Variants in STX1A observed in about 807,000 individuals in gnomAD.
STX1A encodes syntaxin 1A, also known as syntaxin-1A.
Under a neutral mutation model 37.8 loss-of-function variants are expected in STX1A, and 4 were observed. The ratio of observed to expected loss-of-function variants is 0.11; its 90% CI spans 0.05 to 0.24. The LOEUF (loss-of-function observed/expected upper bound fraction) is 0.24, where lower values mean the gene tolerates loss of function less well. STX1A is among the 10% of genes least tolerant of loss of function. The probability of loss-of-function intolerance (pLI) is 1.00; values close to 1 mark genes in which losing one functional copy is unlikely to be tolerated. For synonymous variants in STX1A, 135 were observed against 147.4 expected (o/e 0.92, Z 0.61); for missense variants, 251 against 399.9 (o/e 0.63, Z 3.18).
rs932429977 is a variant in STX1A, at chr7:73,706,611, G to A, written c.209-1387C>T. The stretch of plus-strand genomic sequence containing the variant: ...TGTGCATGACACCGCAGCAGGAGAC[G>A]GTGCAGGAGGTGGCCTGCAGGAGCC... On this transcript the variant is annotated intron_variant, in intron 3 of 9. Transcript: ENST00000222812. The surrounding 1 kb of genome is among the most constrained non-coding windows in gnomAD (Gnocchi z 4.6). 5.3e-5 allele frequency among the ~76,000 whole-genome samples: 8 copies of A among 152,092 alleles called. No homozygotes were observed. Among genetic ancestry groups the A allele is most frequent in the East Asian group, 1.9e-4 (1 of 5,190 alleles).
At position 73,704,742 on chromosome 7, in the gene STX1A, C is replaced by T. The variant is rs529949835; in HGVS notation, c.284-319G>A. ...AAAGGCTGTGTACGAGGGACCATGCCCACAGCGGGGAGAGCCAGGTGGCCC... is the reference window on the plus strand; with the variant it reads ...AAAGGCTGTGTACGAGGGACCATGCTCACAGCGGGGAGAGCCAGGTGGCCC... On this transcript the variant is annotated intron_variant, in intron 4 of 9. Coordinates refer to ENST00000222812, the MANE Select transcript of STX1A (RefSeq NM_004603.4). 9.6e-5 allele frequency: 50 copies of T among 518,462 alleles called. No homozygotes were observed. In the East Asian group the frequency reaches 1.5e-3, roughly 16 times the overall value. 32.1% of individuals were successfully genotyped at this position (518,462 alleles called of 1,614,324 possible). A position where few individuals can be genotyped will look rare whatever the true frequency, so the allele number is the denominator to read the frequency against.
chr7:73,707,524 T>C lies in STX1A; in HGVS notation c.208+1065A>G, dbSNP rs1450982736. On this transcript the variant is annotated intron_variant, in intron 3 of 9. Transcript: ENST00000222812. ...AGGGGCGGGGCTGGACCGAGAGGCC[T>C]TCCTATTGATCACAGACAGCTTCCT... Among the ~76,000 whole-genome samples, 10 of 152,224 alleles carry C rather than the reference T, an allele frequency of 6.6e-5. No individual in the cohort carries two copies. In the East Asian group the frequency reaches 1.2e-3, roughly 18 times the overall value.
chr7:73,703,351 C>A, intron 7 of STX1A: 1 of 565,272 alleles, frequency 1.8e-6, no homozygotes, highest in South Asian at 1.5e-5. Flanking sequence ...AATGTGACTG[C>A]TCCTCCCCTC....
intron 3 of STX1A, among the ~76,000 whole-genome samples, chr7:73,707,587 G>T (rs1798921268): frequency 6.6e-6 from 1 of 152,196 alleles, no homozygotes; most frequent in Non-Finnish European, 1.5e-5. Flanking sequence ...AGAAGCCCAG[G>T]GCTGCAGCCA....
chr7:73,708,796 G>C (rs1170474406), intron 2 of STX1A, 108 bp from the exon 3 acceptor site: 5 of 1,246,044 alleles, frequency 4.0e-6, no homozygotes, highest in Admixed American at 4.0e-5. Context: ...GGGGAGGACG[G>C]GCCAGGCTCC....
chr7:73,719,587 T>TG lies in STX1A; in HGVS notation c.30+14dup, dbSNP rs1258698033. 1.7e-6 allele frequency: 2 copies of TG among 1,206,878 alleles called. No individual in the cohort carries two copies. Among genetic ancestry groups the TG allele is most frequent in the African/African-American group, 1.6e-5 (1 of 62,968 alleles). The allele number at this position is 1,206,878 out of a possible 1,614,324, so 74.8% of individuals were successfully genotyped here. ...CGGCGGGCGGCGGGCGGCCGCGCGCTGGGGCCGGACTCACCGTGCGGAGCT... is the reference window on the plus strand; with the variant it reads ...CGGCGGGCGGCGGGCGGCCGCGCGCTGGGGGCCGGACTCACCGTGCGGAGCT... On this transcript the variant is annotated intron_variant, in intron 1 of 9. Coordinates refer to ENST00000222812, the MANE Select transcript of STX1A (RefSeq NM_004603.4).
chr7:73,709,569 G>T lies in STX1A; in HGVS notation c.31-447C>A, dbSNP rs1481161865. On this transcript the variant is annotated intron_variant, in intron 1 of 9. Coordinates refer to ENST00000222812, the MANE Select transcript of STX1A (RefSeq NM_004603.4). The surrounding 1 kb of genome is among the most constrained non-coding windows in gnomAD (Gnocchi z 4.2). The stretch of plus-strand genomic sequence containing the variant: ...ACAAACACATACACACATCTGTAGA[G>T]TTGAGGTCTTGCTGTGTCACCCAGG... 3.9e-5 allele frequency among the ~76,000 whole-genome samples: 6 copies of T among 152,302 alleles called. No homozygotes were observed. Among genetic ancestry groups the T allele is most frequent in the Non-Finnish European group, 8.8e-5 (6 of 68,016 alleles).
chr7:73,699,855 G>A lies in STX1A; in HGVS notation c.*552C>T. 6.2e-6 allele frequency: 1 copy of A among 161,612 alleles called. No homozygotes were observed. Among genetic ancestry groups the A allele is most frequent in the Non-Finnish European group, 1.4e-5 (1 of 72,670 alleles). The allele number at this position is 161,612 out of a possible 1,614,324, so 10.0% of individuals were successfully genotyped here. ...CCGATGGACTTTGCCCCTAGGCAGG[G>A]GAGGGAGCCTGGAGCCATGGCAGCC... On this transcript the variant is annotated 3_prime_UTR_variant, in exon 10 of 10. Coordinates refer to ENST00000222812, the MANE Select transcript of STX1A (RefSeq NM_004603.4).
At chr7:73,715,159 T>C (rs1400344209) in intron 1 of STX1A, among the ~76,000 whole-genome samples, 3 of 149,664 alleles carry the variant, frequency 2.0e-5, no homozygotes, top group Non-Finnish European at 4.4e-5. Context: ...TGTGGTGGCT[T>C]ACACCTGTAA....
intron 1 of STX1A, among the ~76,000 whole-genome samples, chr7:73,711,676 G>A (rs1391668937): frequency 6.6e-6 from 1 of 152,148 alleles, no homozygotes; most frequent in Non-Finnish European, 1.5e-5. Flanking sequence ...TGCCAGGTTG[G>A]GAAGTGGCCC....
chr7:73,716,117 C>T (rs1265982219), intron 1 of STX1A, among the ~76,000 whole-genome samples: 2 of 152,224 alleles, frequency 1.3e-5, no homozygotes, highest in African/African-American at 4.8e-5. Flanking sequence ...TAGATGGTCC[C>T]GGGAGGCCGT....
Position 73,700,241 on chromosome 7 carries a change from A to G in STX1A, c.*166T>C. 1.5e-6 allele frequency: 1 copy of G among 659,256 alleles called. No homozygotes were observed. The highest frequency in any genetic ancestry group is 2.7e-6 in the Non-Finnish European group (1 of 373,590). The allele number at this position is 659,256 out of a possible 1,614,324, so 40.8% of individuals were successfully genotyped here. On this transcript the variant is annotated 3_prime_UTR_variant, in exon 10 of 10. Coordinates refer to ENST00000222812, the MANE Select transcript of STX1A (RefSeq NM_004603.4). The surrounding 1 kb of genome is among the most constrained non-coding windows in gnomAD (Gnocchi z 4.4). ...CACTCACAGAGATCATGCACACGAC[A>G]CGGGGCGGGGACGGAGGGCCCATGG...
At position 73,700,259 on chromosome 7, in the gene STX1A, G is replaced by T; in HGVS notation, c.*148C>A. ...ACACGACACGGGGCGGGGACGGAGG[G>T]CCCATGGCAGAGAAGGGAGCATGGG... On this transcript the variant is annotated 3_prime_UTR_variant, in exon 10 of 10. Coordinates refer to ENST00000222812, the MANE Select transcript of STX1A (RefSeq NM_004603.4). The surrounding 1 kb of genome is among the most constrained non-coding windows in gnomAD (Gnocchi z 4.4). 3 of 716,338 alleles carry T rather than the reference G, an allele frequency of 4.2e-6. No homozygotes were observed. The highest frequency in any genetic ancestry group is 7.3e-6 in the Non-Finnish European group (3 of 411,694). The allele number at this position is 716,338 out of a possible 1,614,324, so 44.4% of individuals were successfully genotyped here.
rs1306410362 is a variant in STX1A at position 73,706,581 on chromosome 7, A to T, written c.209-1357T>A. Among the ~76,000 whole-genome samples the T allele has an allele frequency of 6.6e-6, 1 of 152,056 alleles. No individual in the cohort carries two copies. The highest frequency in any genetic ancestry group is 1.5e-5 in the Non-Finnish European group (1 of 68,004). ...GGGTGGTGACTCAGAACCGGTCCCT[A>T]TGACTGTGCATGACACCGCAGCAGG... On this transcript the variant is annotated intron_variant, in intron 3 of 9. Transcript: ENST00000222812. The surrounding 1 kb of genome is among the most constrained non-coding windows in gnomAD (Gnocchi z 4.6).
At chr7:73,704,988 G>T in intron 4 of STX1A, 162 bp downstream of exon 4, 1 of 742,576 alleles carries the variant, frequency 1.3e-6, no homozygotes. Context: ...GGCACCAACG[G>T]GCCTTGCCAA....
At position 73,717,048 on chromosome 7, in the gene STX1A, C is replaced by T. The variant is rs1327995829; in HGVS notation, c.30+2554G>A. 6.6e-6 allele frequency among the ~76,000 whole-genome samples: 1 copy of T among 151,996 alleles called. No homozygotes were observed. The highest frequency in any genetic ancestry group is 1.5e-5 in the Non-Finnish European group (1 of 68,034). On this transcript the variant is annotated intron_variant, in intron 1 of 9. Transcript: ENST00000222812. The surrounding 1 kb of genome is among the most constrained non-coding windows in gnomAD (Gnocchi z 4.1). ...CCATCTGCAGAGGGAGAGTTGGGAG[C>T]TGGAGAAGGCTGGAGAAGGCTGGAG...
chr7:73,704,037 C>T, intron 6 of STX1A, 111 bp downstream of exon 6: 2 of 1,308,126 alleles, frequency 1.5e-6, no homozygotes, highest in South Asian at 1.4e-5. Flanking sequence ...CTCGGGCCAC[C>T]CGCCTCGGGC....
rs1261682432 is a variant in STX1A at position 73,706,266 on chromosome 7, G to A, written c.209-1042C>T. Reference sequence around the variant, plus strand: ...AGTGAGGTGGAGCGGGGAAGGGGGGGTTCCGAGGCGCGGAGGAGGGCGCCT... The same window carrying A: ...AGTGAGGTGGAGCGGGGAAGGGGGGATTCCGAGGCGCGGAGGAGGGCGCCT... On this transcript the variant is annotated intron_variant, in intron 3 of 9. Transcript: ENST00000222812. This position sits in a 1 kb window ranked among gnomAD's most constrained non-coding sequence, Gnocchi z 4.6. Among the ~76,000 whole-genome samples, 1 of 152,270 alleles carries A rather than the reference G, an allele frequency of 6.6e-6. No individual in the cohort carries two copies. Among genetic ancestry groups the A allele is most frequent in the East Asian group, 1.9e-4 (1 of 5,174 alleles).
At position 73,702,461 on chromosome 7, in the gene STX1A, G is replaced by C; in HGVS notation, c.678+384C>G. 1 of 400,744 alleles carries C rather than the reference G, an allele frequency of 2.5e-6. No individual in the cohort carries two copies. 24.8% of individuals were successfully genotyped at this position (400,744 alleles called of 1,614,324 possible). A position where few individuals can be genotyped will look rare whatever the true frequency, so the allele number is the denominator to read the frequency against. ...TGGAGAACCTTCGATTTGTTCTTAGGCAACTCTTTTGCCCAACAGCCATTC... is the reference window on the plus strand; with the variant it reads ...TGGAGAACCTTCGATTTGTTCTTAGCCAACTCTTTTGCCCAACAGCCATTC... On this transcript the variant is annotated intron_variant, in intron 8 of 9. Transcript: ENST00000222812. The surrounding 1 kb of genome is among the most constrained non-coding windows in gnomAD (Gnocchi z 4.7).
Sources: gnomAD v4.1 joint callset for allele counts (sites outside exome capture counted in the v4.1 genomes callset) on GRCh38, gnomAD v4.1.1 for gene constraint, Gnocchi (gnomAD v3.1) non-coding constraint, MANE v1.5 for transcripts, NCBI Gene and HGNC (gene_info 2026-07-23, HGNC 2026-07-21) for gene names.